The following ANKMY1 variants were observed in gnomAD, a reference collection of about 807,000 sequenced individuals.
ANKMY1 encodes ankyrin repeat and MYND domain-containing protein 1.
ANKMY1 carries 98 observed loss-of-function variants against 102.0 expected under a neutral mutation model. The ratio of observed to expected loss-of-function variants is 0.96; its 90% CI spans 0.82 to 1.14. The LOEUF is 1.14. Among genes scored for constraint, ANKMY1 ranks in the 50% most tolerant of loss-of-function variants. The pLI, the probability that ANKMY1 is intolerant of heterozygous loss-of-function variation, is 0.00. For synonymous variants in ANKMY1, 582 were observed against 559.9 expected, an observed-to-expected ratio of 1.04 and a Z score of -0.56; for missense variants, 1,330 against 1,347.6, an observed-to-expected ratio of 0.99 and a Z score of 0.20.
chr2:240,547,233 G>A (rs1016984044), intron 4 of ANKMY1, among the ~76,000 whole-genome samples: 1 of 152,144 alleles, frequency 6.6e-6, no homozygotes, highest in African/African-American at 2.4e-5. Context: ...CAACTACATG[G>A]AAACTGAACA....
chr2:240,498,288 G>A (rs2077539086), intron 15 of ANKMY1, among the ~76,000 whole-genome samples: 1 of 145,160 alleles, frequency 6.9e-6, no homozygotes, highest in South Asian at 2.2e-4. Context: ...GGCAGGTGTT[G>A]GGGGTGGGGG....
upstream of ANKMY1, chr2:240,560,824 T>C: frequency 1.4e-6 from 2 of 1,429,322 alleles, no homozygotes; most frequent in Non-Finnish European, 1.8e-6. Flanking sequence ...GGAGTCACGC[T>C]GTGCGTCAAC....
chr2:240,517,484 C>T (rs2081387089), intron 9 of ANKMY1, among the ~76,000 whole-genome samples: 2 of 152,088 alleles, frequency 1.3e-5, no homozygotes, highest in African/African-American at 4.8e-5. Context: ...GTGAAATATT[C>T]CCGCAAAGCC....
intron 15 of ANKMY1, among the ~76,000 whole-genome samples, chr2:240,489,752 A>C (rs149833610): frequency 0.012 from 1,874 of 152,220 alleles, 118 homozygotes; most frequent in Admixed American, 0.1. Flanking sequence ...TCTGCTTTTG[A>C]TATCAGGGTG....
intron 9 of ANKMY1, among the ~76,000 whole-genome samples, chr2:240,518,179 C>T (rs1183758181): frequency 6.6e-6 from 1 of 152,128 alleles, no homozygotes; most frequent in Non-Finnish European, 1.5e-5. Flanking sequence ...GAAATTGACC[C>T]TTCCATTCTT....
At chr2:240,475,386 AAGAAAACAATCCCATTT>A (rs2074786900), downstream of ANKMY1, among the ~76,000 whole-genome samples, 2 of 152,092 alleles carry the variant, frequency 1.3e-5, no homozygotes. Flanking sequence ...AAAGGAAATT[AAGAAAACAATCCCATTT>A]ACAATAGCAT....
intron 4 of ANKMY1, among the ~76,000 whole-genome samples, chr2:240,546,845 GC>G: frequency 6.6e-6 from 1 of 152,206 alleles, no homozygotes; most frequent in South Asian, 2.1e-4. Flanking sequence ...ATACAGGAGC[GC>G]CCAGATTCAT....
At chr2:240,498,184 G>A (rs551894901) in intron 15 of ANKMY1, among the ~76,000 whole-genome samples, 16 of 150,152 alleles carry the variant, frequency 1.1e-4, no homozygotes, top group African/African-American at 3.7e-4. Context: ...GTATGTTTGT[G>A]TTGGGGGGGG....
At chr2:240,496,447 T>C (rs1407135901) in intron 15 of ANKMY1, among the ~76,000 whole-genome samples, 1 of 152,118 alleles carries the variant, frequency 6.6e-6, no homozygotes, top group Non-Finnish European at 1.5e-5. Context: ...CCTGATGATC[T>C]CTTCATTTCT....
chr2:240,486,305 A>C (rs2151888953), intron 15 of ANKMY1, among the ~76,000 whole-genome samples: 1 of 152,326 alleles, frequency 6.6e-6, no homozygotes, highest in Non-Finnish European at 1.5e-5. Flanking sequence ...GCAACCACAC[A>C]CGCATGCACA....
intron 4 of ANKMY1, among the ~76,000 whole-genome samples, chr2:240,549,569 A>C (rs1204564129): frequency 6.6e-6 from 1 of 152,180 alleles, no homozygotes; most frequent in Non-Finnish European, 1.5e-5. Flanking sequence ...CCATCAGAGT[A>C]AACAGGCAAC....
At chr2:240,526,115 G>C in intron 6 of ANKMY1, 114 bp downstream of exon 6, 3 of 1,282,558 alleles carry the variant, frequency 2.3e-6, no homozygotes, top group Non-Finnish European at 2.2e-6. Context: ...GACAATCAGT[G>C]TCCCCATGTA....
chr2:240,488,906 T>G (rs537161056), intron 15 of ANKMY1, among the ~76,000 whole-genome samples: 9 of 152,340 alleles, frequency 5.9e-5, no homozygotes, highest in African/African-American at 2.2e-4. Context: ...AATAATATCA[T>G]CAGCAAAGAG....
intron 8 of ANKMY1, chr2:240,522,522 A>G (rs944911307): frequency 1.5e-4 from 23 of 152,194 alleles, no homozygotes; most frequent in African/African-American, 5.5e-4. Context: ...CTTTCTGATC[A>G]TCGTGGTCTT....
At chr2:240,543,241 T>C (rs1390950795) in intron 4 of ANKMY1, among the ~76,000 whole-genome samples, 3 of 151,514 alleles carry the variant, frequency 2.0e-5, no homozygotes, top group Non-Finnish European at 4.4e-5. Context: ...TAGTCCCAGC[T>C]ACTCGGGAGG....
chr2:240,508,865 A>AATGG (rs538759452), intron 12 of ANKMY1, among the ~76,000 whole-genome samples: 8 of 151,808 alleles, frequency 5.3e-5, no homozygotes, highest in South Asian at 2.1e-4. Flanking sequence ...TGGATGGATG[A>AATGG]ATGGATGGAT....
intron 4 of ANKMY1, among the ~76,000 whole-genome samples, chr2:240,533,825 A>T (rs976341019): frequency 2.0e-5 from 3 of 152,226 alleles, no homozygotes; most frequent in African/African-American, 7.2e-5. Flanking sequence ...TATCTAAAAC[A>T]TAATGAAACA....
rs182162990 is a variant in ANKMY1, at chr2:240,499,304, A to C, written c.2806+654T>G. Among the ~76,000 whole-genome samples, 1 of 144,920 alleles carries C rather than the reference A, an allele frequency of 6.9e-6. No homozygotes were observed. Among genetic ancestry groups the C allele is most frequent in the Non-Finnish European group, 1.5e-5 (1 of 65,780 alleles). On this transcript the variant is annotated intron_variant, in intron 15 of 17. Transcript: ENST00000401804. This position sits in a 1 kb window ranked among gnomAD's most constrained non-coding sequence, Gnocchi z 4.2. ...GTGGGTCTGTGTGTGCGAGGTAGAC[A>C]AGAGTAGGTAAATGTGAGGGTGGGA...
Position 240,529,013 on chromosome 2 carries a change from G to A in ANKMY1, c.953+24C>T. 6.2e-7 allele frequency: 1 copy of A among 1,608,570 alleles called. No homozygotes were observed. The highest frequency in any genetic ancestry group is 8.5e-7 in the Non-Finnish European group (1 of 1,175,424). ...GCCTGCACAGTGCACGGCCCTAGGG[G>A]AGGAGCAGTAGCAGACTAGTCACCT... On this transcript the variant is annotated intron_variant, in intron 5 of 17. Transcript: ENST00000401804. The surrounding 1 kb of genome is among the most constrained non-coding windows in gnomAD (Gnocchi z 4.2).
Sources: gnomAD v4.1 joint callset for allele counts (sites outside exome capture counted in the v4.1 genomes callset) on GRCh38, gnomAD v4.1.1 for gene constraint, Gnocchi (gnomAD v3.1) non-coding constraint, MANE v1.5 for transcripts, NCBI Gene and HGNC (gene_info 2026-07-23, HGNC 2026-07-21) for gene names.